The following CTNNA2 variants were observed in gnomAD, a reference collection of about 807,000 sequenced individuals.
CTNNA2 encodes the protein catenin alpha-2.
Under a neutral mutation model 101.0 loss-of-function variants are expected in CTNNA2, and 42 were observed. The observed-to-expected ratio is 0.42, with a 90% CI of 0.32 to 0.54. The LOEUF is 0.54. Ranked by LOEUF, CTNNA2 falls within the 20% of genes least tolerant of loss-of-function variation. CTNNA2 has a pLI of 0.14. For missense variants in CTNNA2, 871 were observed against 1,223.1 expected (o/e 0.71, Z 4.29); for synonymous variants, 450 against 456.4 (o/e 0.99, Z 0.18).
At chr2:80,162,903 C>T in intron 7 of CTNNA2, 2 of 1,570,688 alleles carry the variant, frequency 1.3e-6, no homozygotes, top group Non-Finnish European at 1.8e-6. Context: ...TTCGTACCTG[C>T]TAGGAGTTGT....
intron 4 of CTNNA2, among the ~76,000 whole-genome samples, chr2:79,419,432 C>A (rs537748475): frequency 6.6e-6 from 1 of 152,136 alleles, no homozygotes; most frequent in East Asian, 1.9e-4. Flanking sequence ...GAAATTACTA[C>A]ACTAATGCAA....
intron 8 of CTNNA2, among the ~76,000 whole-genome samples, chr2:80,417,487 T>G (rs907946353): frequency 2.6e-5 from 4 of 151,924 alleles, no homozygotes; most frequent in Non-Finnish European, 5.9e-5. Flanking sequence ...AAAATGGTTT[T>G]TAAGTTCTTT....
intron 7 of CTNNA2, among the ~76,000 whole-genome samples, chr2:80,030,204 A>G (rs1371824155): frequency 2.0e-5 from 3 of 151,554 alleles, no homozygotes; most frequent in Admixed American, 2.0e-4. Context: ...CCAAACACAG[A>G]CACATTTTTG....
intron 11 of CTNNA2, among the ~76,000 whole-genome samples, chr2:80,552,411 T>C (rs1405427844): frequency 6.6e-6 from 1 of 152,232 alleles, no homozygotes; most frequent in Admixed American, 6.5e-5. Flanking sequence ...AGTACAAATC[T>C]ATTTGAAAAC....
At chr2:80,181,289 C>A (rs1354862862) in intron 7 of CTNNA2, among the ~76,000 whole-genome samples, 1 of 152,096 alleles carries the variant, frequency 6.6e-6, no homozygotes, top group African/African-American at 2.4e-5. Flanking sequence ...AGGCTGATGG[C>A]AGCATGGGTG....
At chr2:79,233,148 A>G (rs1235271530) in intron 2 of CTNNA2, among the ~76,000 whole-genome samples, 2 of 152,078 alleles carry the variant, frequency 1.3e-5, no homozygotes, top group Non-Finnish European at 2.9e-5. Context: ...TATGCTTTTA[A>G]GTAGTTAATT....
At chr2:80,114,195 C>G (rs1701383720) in intron 7 of CTNNA2, among the ~76,000 whole-genome samples, 1 of 152,178 alleles carries the variant, frequency 6.6e-6, no homozygotes, top group Non-Finnish European at 1.5e-5. Flanking sequence ...TGAAAAATAT[C>G]TGGTAACTTG....
intron 7 of CTNNA2, among the ~76,000 whole-genome samples, chr2:80,065,975 C>T (rs1422181117): frequency 6.6e-6 from 1 of 152,158 alleles, no homozygotes; most frequent in Non-Finnish European, 1.5e-5. Context: ...AATGACTTTA[C>T]CCAAACTTGT....
At chr2:79,764,440 C>T (rs1673001763) in intron 3 of CTNNA2, among the ~76,000 whole-genome samples, 2 of 152,114 alleles carry the variant, frequency 1.3e-5, no homozygotes, top group African/African-American at 4.8e-5. Context: ...AGAATTACAA[C>T]ATGTGCATAT....
At chr2:80,364,620 A>G in intron 7 of CTNNA2, among the ~76,000 whole-genome samples, 1 of 122,756 alleles carries the variant, frequency 8.1e-6, no homozygotes, top group East Asian at 2.4e-4. Flanking sequence ...GATTTACTTG[A>G]TTTAAGTACT....
At chr2:79,557,673 T>C (rs1486368081) in intron 1 of CTNNA2, among the ~76,000 whole-genome samples, 1 of 151,926 alleles carries the variant, frequency 6.6e-6, no homozygotes, top group Non-Finnish European at 1.5e-5. Flanking sequence ...AAATGATGAC[T>C]CTGCTTATGG....
intron 3 of CTNNA2, among the ~76,000 whole-genome samples, chr2:79,336,232 T>G (rs568951613): frequency 2.0e-4 from 31 of 152,284 alleles, no homozygotes; most frequent in Middle Eastern, 3.4e-3. Context: ...TGCACTGGGA[T>G]TCTTCCAAAA....
intron 9 of CTNNA2, among the ~76,000 whole-genome samples, chr2:80,492,103 G>A (rs1687109689): frequency 6.6e-6 from 1 of 152,142 alleles, no homozygotes; most frequent in Admixed American, 6.6e-5. Context: ...CAGTGTTAGA[G>A]GCAGGGCCTG....
chr2:80,144,627 G>T lies in CTNNA2; in HGVS notation c.1056+234830G>T, dbSNP rs377723116. ...TTATTTGTCCTCACTCATTTCAGCT[G>T]GTGTCCATTGTTATTTTTCACTTTC... On this transcript the variant is annotated intron_variant, in intron 7 of 18. Coordinates refer to ENST00000402739, the MANE Select transcript of CTNNA2 (RefSeq NM_001282597.3). 5.9e-5 allele frequency among the ~76,000 whole-genome samples: 9 copies of T among 152,158 alleles called. No individual in the cohort carries two copies. In the South Asian group the frequency reaches 1.9e-3, roughly 32 times the overall value.
intron 3 of CTNNA2, among the ~76,000 whole-genome samples, chr2:79,838,325 T>A (rs957624519): frequency 3.9e-5 from 6 of 152,010 alleles, no homozygotes; most frequent in Non-Finnish European, 7.4e-5. Context: ...CAGAGGAAAG[T>A]ATGCTGGCCA....
intron 2 of CTNNA2, among the ~76,000 whole-genome samples, chr2:79,698,518 C>T (rs901042322): frequency 4.6e-5 from 7 of 151,988 alleles, no homozygotes; most frequent in South Asian, 2.1e-4. Flanking sequence ...AATGATTATA[C>T]GTGCAATATA....
chr2:80,409,113 G>A (rs879731322), intron 8 of CTNNA2, among the ~76,000 whole-genome samples: 17 of 152,186 alleles, frequency 1.1e-4, no homozygotes, highest in Admixed American at 1.1e-3. Flanking sequence ...CTGCTTTTTG[G>A]TCTGGGTTCA....
intron 9 of CTNNA2, among the ~76,000 whole-genome samples, chr2:80,452,391 G>A (rs562520982): frequency 1.3e-5 from 2 of 151,750 alleles, no homozygotes; most frequent in South Asian, 4.1e-4. Flanking sequence ...TGCTTCTGAT[G>A]CATTTACAGA....
At chr2:80,317,300 G>A (rs1321633576) in intron 7 of CTNNA2, among the ~76,000 whole-genome samples, 2 of 152,242 alleles carry the variant, frequency 1.3e-5, no homozygotes, top group Admixed American at 6.5e-5. Flanking sequence ...GTGATTGATT[G>A]CTCTGTCTCA....
Sources: gnomAD v4.1 joint callset for allele counts (sites outside exome capture counted in the v4.1 genomes callset) on GRCh38, gnomAD v4.1.1 for gene constraint, MANE v1.5 for transcripts, NCBI Gene and HGNC (gene_info 2026-07-23, HGNC 2026-07-21) for gene names.